The following NRF1 variants were observed in gnomAD, a reference collection of about 807,000 sequenced individuals.
The protein encoded by NRF1 is nuclear respiratory factor 1.
Under a neutral mutation model 58.5 loss-of-function variants are expected in NRF1, and 5 were observed. The observed-to-expected ratio is 0.09, with a 90% CI of 0.04 to 0.18. The LOEUF is 0.18. NRF1 is among the 10% of genes least tolerant of loss of function. The pLI, the probability that NRF1 is intolerant of heterozygous loss-of-function variation, is 1.00. For missense variants in NRF1, 288 were observed against 657.7 expected (o/e 0.44, Z 6.15); for synonymous variants, 224 against 246.7 (o/e 0.91, Z 0.86).
chr7:129,746,714 G>C (rs1401060333), intron 10 of NRF1, among the ~76,000 whole-genome samples: 2 of 152,198 alleles, frequency 1.3e-5, no homozygotes, highest in African/African-American at 2.4e-5. Flanking sequence ...ATTTGGGCCA[G>C]TATTTCTTTG....
chr7:129,689,543 C>T (rs1584643054), intron 4 of NRF1, among the ~76,000 whole-genome samples: 2 of 152,174 alleles, frequency 1.3e-5, no homozygotes, highest in African/African-American at 4.8e-5. Context: ...TTTTTCCTCT[C>T]CCAAGTTCCA....
intron 1 of NRF1, among the ~76,000 whole-genome samples, chr7:129,628,521 C>T (rs919223984): frequency 1.3e-5 from 2 of 152,048 alleles, no homozygotes; most frequent in Admixed American, 6.6e-5. Context: ...TTTTTCAAAA[C>T]AGAACACTTT....
chr7:129,631,369 G>A (rs553543728), intron 1 of NRF1, among the ~76,000 whole-genome samples: 35 of 152,028 alleles, frequency 2.3e-4, no homozygotes, highest in Admixed American at 6.5e-4. Context: ...ACAAGCGTGC[G>A]CCACCATGCC....
At chr7:129,680,287 C>T (rs192020184) in intron 4 of NRF1, among the ~76,000 whole-genome samples, 5 of 152,180 alleles carry the variant, frequency 3.3e-5, no homozygotes, top group African/African-American at 9.6e-5. Flanking sequence ...ATAAAAACCA[C>T]AGTAAGATAC....
intron 2 of NRF1, among the ~76,000 whole-genome samples, chr7:129,667,243 T>C (rs1396312747): frequency 6.6e-6 from 1 of 152,210 alleles, no homozygotes; most frequent in African/African-American, 2.4e-5. Context: ...ATTCTCACCA[T>C]CGGTGTTACC....
chr7:129,636,788 A>T (rs1238718239), intron 1 of NRF1, among the ~76,000 whole-genome samples: 1 of 152,090 alleles, frequency 6.6e-6, no homozygotes, highest in Non-Finnish European at 1.5e-5. Flanking sequence ...CTAAACATAA[A>T]CCTTAGACAA....
chr7:129,648,688 C>T (rs1801467746), intron 1 of NRF1, among the ~76,000 whole-genome samples: 2 of 152,098 alleles, frequency 1.3e-5, no homozygotes, highest in South Asian at 2.1e-4. Flanking sequence ...CTAATAATGT[C>T]TCCTGACTCC....
chr7:129,619,490 G>GTGTATATATATATA (rs1422472177), intron 1 of NRF1, among the ~76,000 whole-genome samples: 10 of 48,620 alleles, frequency 2.1e-4, no homozygotes, highest in African/African-American at 1.0e-3. Context: ...GTGTGTGTGT[G>GTGTATATATATATA]TATATATATA....
chr7:129,659,508 A>G (rs1489675118), intron 2 of NRF1, among the ~76,000 whole-genome samples: 1 of 152,150 alleles, frequency 6.6e-6, no homozygotes, highest in African/African-American at 2.4e-5. Flanking sequence ...GCTAGTAACA[A>G]GTTCTATTTT....
intron 1 of NRF1, among the ~76,000 whole-genome samples, chr7:129,619,408 A>ATG (rs1800725714): frequency 2.2e-5 from 2 of 92,344 alleles, no homozygotes; most frequent in Admixed American, 1.1e-4. Context: ...ATATATATAT[A>ATG]TATATATATA....
intron 1 of NRF1, among the ~76,000 whole-genome samples, chr7:129,644,899 G>A (rs369679379): frequency 6.6e-6 from 1 of 152,128 alleles, no homozygotes; most frequent in African/African-American, 2.4e-5. Flanking sequence ...AATTCTGTAT[G>A]TGTAGCATTT....
At chr7:129,626,462 A>C (rs1800921891) in intron 1 of NRF1, among the ~76,000 whole-genome samples, 1 of 152,204 alleles carries the variant, frequency 6.6e-6, no homozygotes, top group Non-Finnish European at 1.5e-5. Flanking sequence ...AATTGGTTAA[A>C]ACCTCCAAAT....
rs571000194 is a variant in NRF1 at position 129,741,115 on chromosome 7, T to C, written c.1348+13750T>C. ...CAATAGATGCAAATTCATTTACTCTTTGGTCTGCCTGTGTTGGGTATTCTC... is the reference window on the plus strand; with the variant it reads ...CAATAGATGCAAATTCATTTACTCTCTGGTCTGCCTGTGTTGGGTATTCTC... On this transcript the variant is annotated intron_variant, in intron 10 of 10. Transcript: ENST00000393232. This position sits in a 1 kb window ranked among gnomAD's most constrained non-coding sequence, Gnocchi z 4.0. 6.6e-6 allele frequency among the ~76,000 whole-genome samples: 1 copy of C among 152,316 alleles called. No homozygotes were observed. Among genetic ancestry groups the C allele is most frequent in the Non-Finnish European group, 1.5e-5 (1 of 68,032 alleles).
Position 129,617,635 on chromosome 7 carries a change from G to A in NRF1, c.-7+5811G>A, listed in dbSNP as rs184660892. Among the ~76,000 whole-genome samples, 13 of 152,308 alleles carry A rather than the reference G, an allele frequency of 8.5e-5. No homozygotes were observed. In the East Asian group the frequency reaches 2.5e-3, roughly 29 times the overall value. Reference sequence around the variant, plus strand: ...GGGCCTTGTCGTGTAGAGCAGAAAGGTATGGGCTCAACTAGCTATGTTACA... The same window carrying A: ...GGGCCTTGTCGTGTAGAGCAGAAAGATATGGGCTCAACTAGCTATGTTACA... On this transcript the variant is annotated intron_variant, in intron 1 of 10. Coordinates refer to ENST00000393232, the MANE Select transcript of NRF1 (RefSeq NM_005011.5).
In NRF1 at chr7:129,690,305, A is replaced by G. The variant is rs1584643658; in HGVS notation, c.466-101A>G. The G allele has an allele frequency of 2.9e-5, 35 of 1,194,226 alleles. No individual in the cohort carries two copies. The South Asian group carries it at 5.0e-4, about 17-fold the overall frequency. The allele number at this position is 1,194,226 out of a possible 1,614,324, so 74.0% of individuals were successfully genotyped here. On this transcript the variant is annotated intron_variant, in intron 4 of 10. Coordinates refer to ENST00000393232, the MANE Select transcript of NRF1 (RefSeq NM_005011.5). Reference sequence around the variant, plus strand: ...AAGTGTTTGTTTTTAAGGCTATGCAATGGCTCAGGAAGGCCAGCCCCACCC... The same window carrying G: ...AAGTGTTTGTTTTTAAGGCTATGCAGTGGCTCAGGAAGGCCAGCCCCACCC...
At chr7:129,708,269 G>A (rs1584660616) in intron 5 of NRF1, among the ~76,000 whole-genome samples, 1 of 152,168 alleles carries the variant, frequency 6.6e-6, no homozygotes, top group South Asian at 2.1e-4. Flanking sequence ...TATTCACAAA[G>A]TAGACCCTCC....
At chr7:129,645,906 G>A (rs914193989) in intron 1 of NRF1, among the ~76,000 whole-genome samples, 2 of 152,174 alleles carry the variant, frequency 1.3e-5, no homozygotes, top group Admixed American at 6.5e-5. Flanking sequence ...CTGGAGTGCA[G>A]TGGCATCATC....
At chr7:129,635,402 A>T (rs1363148891) in intron 1 of NRF1, among the ~76,000 whole-genome samples, 1 of 152,042 alleles carries the variant, frequency 6.6e-6, no homozygotes, top group Non-Finnish European at 1.5e-5. Context: ...TAAGCACACC[A>T]CCTTTGGGAG....
intron 4 of NRF1, among the ~76,000 whole-genome samples, chr7:129,681,753 A>G (rs1289040225): frequency 6.6e-6 from 1 of 151,844 alleles, no homozygotes; most frequent in East Asian, 1.9e-4. Context: ...TAAGAAGTAC[A>G]TATTTATCAT....
Sources: gnomAD v4.1 joint callset for allele counts (sites outside exome capture counted in the v4.1 genomes callset) on GRCh38, gnomAD v4.1.1 for gene constraint, Gnocchi (gnomAD v3.1) non-coding constraint, MANE v1.5 for transcripts, NCBI Gene and HGNC (gene_info 2026-07-23, HGNC 2026-07-21) for gene names.